MINAR1: variants seen among roughly 807,000 people sequenced by gnomAD.
The protein encoded by MINAR1 is major intrinsically disordered Notch2-binding receptor 1.
A neutral mutation model predicts 65.1 loss-of-function variants in MINAR1; 40 were observed. The observed-to-expected ratio is 0.61, with a 90% confidence interval of 0.48 to 0.80. The LOEUF (loss-of-function observed/expected upper bound fraction) is 0.80. Ranked by LOEUF, MINAR1 falls within the 30% of genes least tolerant of loss-of-function variation. The pLI, the probability that MINAR1 is intolerant of heterozygous loss-of-function variation, is 0.00. For missense variants in MINAR1, 1,128 were observed against 1,148.0 expected (o/e 0.98, Z 0.25); for synonymous variants, 482 against 449.1 (o/e 1.07, Z -0.93).
chr15:79,466,713 G>T (rs976477206), intron 3 of MINAR1, among the ~76,000 whole-genome samples: 1 of 152,234 alleles, frequency 6.6e-6, no homozygotes, highest in Admixed American at 6.5e-5. Flanking sequence ...CGGGTTGTCA[G>T]TGTCCTGGCA....
Position 79,458,057 on chromosome 15 carries a change from C to T in MINAR1, c.1910C>T (p.Pro637Leu), listed in dbSNP as rs772365812. The change falls in exon 2 of 4, where the codon CCT becomes CTT. Residue 637 changes from proline (P) to leucine (L), a missense_variant. Physicochemically the swap from Pro to Leu is moderately conservative, Grantham distance 98. Transcript: ENST00000305428. The stretch of plus-strand genomic sequence containing the variant: ...AAATTGGACCAGAAAATGCAACAGC[C>T]TGAGAAGGTGAGTGTGCAGATAGAT... ...LNKLDQKMQQ[P>L]EKVSVQIDLN... The T allele has an allele frequency of 6.2e-7, 1 of 1,614,148 alleles. No homozygotes were observed. The highest frequency in any genetic ancestry group is 8.5e-7 in the Non-Finnish European group (1 of 1,180,032).
chr15:79,458,106 T>G lies in MINAR1; in HGVS notation c.1959T>G (p.Gly653=), dbSNP rs750076663. 6.2e-7 allele frequency: 1 copy of G among 1,614,010 alleles called. No individual in the cohort carries two copies. Among genetic ancestry groups the G allele is most frequent in the Non-Finnish European group, 8.5e-7 (1 of 1,180,022 alleles). The change falls in exon 2 of 4, where the codon GGT becomes GGG. Residue 653 remains glycine, a synonymous_variant. Transcript: ENST00000305428. ...ATCTGAACTCCTTGACAAGCGAGGG[T>G]CCGTCTGATGACAGTGCCTCTCCCC... The part of the protein sequence containing the change: ...QIDLNSLTSE[G]PSDDSASPRM...
chr15:79,453,101 A>G (rs1895292153), intron 1 of MINAR1, among the ~76,000 whole-genome samples: 1 of 151,734 alleles, frequency 6.6e-6, no homozygotes, highest in African/African-American at 2.4e-5. Flanking sequence ...TTATGCTCTG[A>G]GTGGAGTTTC....
chr15:79,464,765 C>T lies in MINAR1; in HGVS notation c.2553+1444C>T, dbSNP rs112834975. ...CCTAAGCCCTTCCTCACCCCCTTAC[C>T]TCATGCATGTTACATTCCCACTTGG... On this transcript the variant is annotated intron_variant, in intron 3 of 3. Coordinates refer to ENST00000305428, the MANE Select transcript of MINAR1 (RefSeq NM_015206.3). Among the ~76,000 whole-genome samples, 1,194 of 152,272 alleles carry T rather than the reference C, an allele frequency of 7.8e-3. 17 individuals are homozygous for T. The highest frequency in any genetic ancestry group is 0.027 in the African/African-American group (1,134 of 41,564).
chr15:79,437,960 G>A (rs373568162), intron 1 of MINAR1, among the ~76,000 whole-genome samples: 3 of 3,784 alleles, frequency 7.9e-4, no homozygotes, highest in Non-Finnish European at 1.1e-3. Context: ...TGGGGTGTGG[G>A]TGGGGTGGGT....
At chr15:79,434,384 G>A (rs554338289) in intron 1 of MINAR1, among the ~76,000 whole-genome samples, 8 of 152,254 alleles carry the variant, frequency 5.3e-5, no homozygotes, top group South Asian at 2.1e-4. Context: ...TGAAACAGTC[G>A]TGCTCCTGTG....
intron 2 of MINAR1, 40 bp downstream of exon 2, chr15:79,458,485 C>A: frequency 6.3e-7 from 1 of 1,584,638 alleles, no homozygotes; most frequent in Non-Finnish European, 8.6e-7. Flanking sequence ...GCACCAGCTT[C>A]ATCATAGCCC....
intron 3 of MINAR1, among the ~76,000 whole-genome samples, chr15:79,466,848 A>G (rs1004036987): frequency 6.6e-6 from 1 of 152,226 alleles, no homozygotes; most frequent in Non-Finnish European, 1.5e-5. Context: ...GGCCAAGGGA[A>G]AGGGGCTGTT....
At chr15:79,454,452 T>C (rs573122709) in intron 1 of MINAR1, among the ~76,000 whole-genome samples, 1 of 152,308 alleles carries the variant, frequency 6.6e-6, no homozygotes, top group Admixed American at 6.5e-5. Flanking sequence ...AACAAATCAG[T>C]TATCAAAATA....
rs1423229651 is a variant in MINAR1 at position 79,471,421 on chromosome 15, A to G, written c.*3037A>G. 1.3e-5 allele frequency: 2 copies of G among 152,744 alleles called. No homozygotes were observed. Among genetic ancestry groups the G allele is most frequent in the East Asian group, 3.9e-4 (2 of 5,182 alleles). The allele number at this position is 152,744 out of a possible 1,614,324, so 9.5% of individuals were successfully genotyped here. A position where few individuals can be genotyped will look rare whatever the true frequency, so the allele number is the denominator to read the frequency against. On this transcript the variant is annotated 3_prime_UTR_variant, in exon 4 of 4. Transcript: ENST00000305428. ...TTTGAACACAGCCTTGCAGAAAAGC[A>G]AAAAATATTTCCCCGCTCAAATTTT... is the stretch of plus-strand genomic sequence containing the variant.
chr15:79,439,267 G>GAA (rs1204771096), intron 1 of MINAR1, among the ~76,000 whole-genome samples: 2 of 132,480 alleles, frequency 1.5e-5, no homozygotes, highest in African/African-American at 5.8e-5. Flanking sequence ...GGTAGTGTGT[G>GAA]GGGTGTGGGG....
the MINAR1 span, chr15:79,418,523 G>A: frequency 1.3e-5 from 2 of 152,178 alleles, no homozygotes; most frequent in African/African-American, 2.4e-5. Context: ...ACCACATTGG[G>A]TACTCTCAGT....
intron 1 of MINAR1, 64 bp from the exon 2 acceptor site, chr15:79,456,034 T>C: frequency 9.9e-7 from 1 of 1,010,228 alleles, no homozygotes; most frequent in Non-Finnish European, 1.4e-6. Flanking sequence ...GGAGCTTGAC[T>C]TCAAACTCCA....
chr15:79,463,901 A>T (rs1306283788), intron 3 of MINAR1: 1 of 379,752 alleles, frequency 2.6e-6, no homozygotes, highest in Admixed American at 3.1e-5. Context: ...CACTGGGTTG[A>T]TCTGTGTCTC....
chr15:79,427,939 CG>C (rs1894348726), upstream of MINAR1, among the ~76,000 whole-genome samples: 5 of 152,262 alleles, frequency 3.3e-5, no homozygotes, highest in South Asian at 1.0e-3. Context: ...GCACTAATCA[CG>C]GGGTACCCAT....
chr15:79,452,815 G>T (rs1383786588), intron 1 of MINAR1, among the ~76,000 whole-genome samples: 2 of 150,254 alleles, frequency 1.3e-5, no homozygotes, highest in Non-Finnish European at 3.0e-5. Context: ...AGCTCTGTGG[G>T]TGTGAAGCTG....
Position 79,468,314 on chromosome 15 carries a change from C to T in MINAR1, c.2681C>T (p.Ala894Val), listed in dbSNP as rs775388020. The T allele has an allele frequency of 1.2e-6, 2 of 1,614,096 alleles. No homozygotes were observed. Among genetic ancestry groups the T allele is most frequent in the Admixed American group, 1.7e-5 (1 of 60,010 alleles). ...CGAGCCAAGGTCTGCAAGATAGCTG[C>T]TCTGATCGCTGCTGCGGCATGCACC... The part of the protein sequence containing the change: ...FRRAKVCKIA[A>V]LIAAAACTVI... Residue 894 changes from alanine (A) to valine (V), a missense_variant, in exon 4 of 4, where the codon GCT becomes GTT. Transcript: ENST00000305428.
chr15:79,413,118 A>C, the MINAR1 span: 2 of 152,260 alleles, frequency 1.3e-5, no homozygotes, highest in Non-Finnish European at 2.9e-5. Context: ...TGCAAACATG[A>C]GAAAGACCCA....
chr15:79,450,250 G>T (rs146807488), intron 1 of MINAR1, among the ~76,000 whole-genome samples: 1 of 152,134 alleles, frequency 6.6e-6, no homozygotes, highest in Admixed American at 6.5e-5. Flanking sequence ...CATCCAGCCC[G>T]CTCTAAAGAG....
Sources: gnomAD v4.1 joint callset for allele counts (sites outside exome capture counted in the v4.1 genomes callset) on GRCh38, gnomAD v4.1.1 for gene constraint, MANE v1.5 for transcripts, NCBI Gene and HGNC (gene_info 2026-07-23, HGNC 2026-07-21) for gene names.